Variants in UNC13C observed in about 807,000 individuals in gnomAD.
UNC13C encodes unc-13 homolog C, also known as protein unc-13 homolog C.
A neutral mutation model predicts 245.4 loss-of-function variants in UNC13C; 174 were observed. The observed-to-expected ratio is 0.71, with a 90% CI of 0.63 to 0.80. UNC13C has a LOEUF of 0.80. Ranked by LOEUF, UNC13C falls within the 30% of genes least tolerant of loss-of-function variation. The pLI is 0.00. For synonymous variants in UNC13C, 992 were observed against 895.1 expected, an observed-to-expected ratio of 1.11 and a Z score of -1.93; for missense variants, 2,829 against 2,602.9, an observed-to-expected ratio of 1.09 and a Z score of -1.89.
rs1007069536 is a variant in UNC13C at position 54,015,360 on chromosome 15, G to C, written c.2457G>C (p.Leu819=). The C allele has an allele frequency of 1.9e-6, 3 of 1,613,830 alleles. No individual in the cohort carries two copies. Among genetic ancestry groups the C allele is most frequent in the Non-Finnish European group, 2.5e-6 (3 of 1,179,844 alleles). ...TATGGAACAAAAGCACACAGAGTCT[G>C]AGTGGGTATGAGGACAGTGGCTCTT... ...EVVWNKSTQS[L]SGYEDSGSSL... The change falls in exon 2 of 33, where the codon CTG becomes CTC. Residue 819 remains leucine, a synonymous_variant. Transcript: ENST00000260323.
intron 2 of UNC13C, among the ~76,000 whole-genome samples, chr15:54,051,636 C>CTTTATTTA (rs202229715): frequency 1.6e-4 from 24 of 150,926 alleles, no homozygotes; most frequent in African/African-American, 2.5e-4. Flanking sequence ...GTTATACAGA[C>CTTTATTTA]TTTATTTATT....
chr15:54,173,486 A>T (rs964283049), intron 4 of UNC13C, among the ~76,000 whole-genome samples: 1 of 152,090 alleles, frequency 6.6e-6, no homozygotes, highest in East Asian at 1.9e-4. Context: ...ATGCTGTTAA[A>T]ATTTATATCT....
chr15:53,921,065 C>T, the UNC13C span, among the ~76,000 whole-genome samples: 1 of 151,740 alleles, frequency 6.6e-6, no homozygotes, highest in African/African-American at 2.4e-5. Context: ...GTGGGGAGAG[C>T]ATCTGAGCTA....
chr15:54,373,312 G>T (rs1370137851), intron 17 of UNC13C, among the ~76,000 whole-genome samples: 2 of 152,230 alleles, frequency 1.3e-5, no homozygotes, highest in African/African-American at 2.4e-5. Flanking sequence ...ACCTTTGCCT[G>T]AGTTTTGCTC....
chr15:54,147,409 C>T (rs542368268), intron 4 of UNC13C, among the ~76,000 whole-genome samples: 42 of 151,980 alleles, frequency 2.8e-4, no homozygotes, highest in African/African-American at 5.3e-4. Context: ...TTAGTAGAGA[C>T]GGGGTTTCAC....
At chr15:53,908,231 T>C in the UNC13C span, among the ~76,000 whole-genome samples, 1 of 146,564 alleles carries the variant, frequency 6.8e-6, no homozygotes, top group Non-Finnish European at 1.5e-5. Context: ...CTCCTTTTTT[T>C]GTCCTACTTT....
chr15:54,506,065 C>T (rs989797574), intron 22 of UNC13C, among the ~76,000 whole-genome samples: 14 of 152,094 alleles, frequency 9.2e-5, no homozygotes, highest in Non-Finnish European at 2.1e-4. Flanking sequence ...CAGCAAGTCA[C>T]CCGGCAGCTG....
chr15:54,067,729 C>G (rs1162335254), intron 2 of UNC13C, among the ~76,000 whole-genome samples: 3 of 152,254 alleles, frequency 2.0e-5, no homozygotes, highest in Middle Eastern at 3.4e-3. Flanking sequence ...GTCATTAGCC[C>G]TCTGAGATTA....
chr15:54,597,192 G>A (rs1477438384), intron 30 of UNC13C, among the ~76,000 whole-genome samples: 1 of 152,166 alleles, frequency 6.6e-6, no homozygotes, highest in African/African-American at 2.4e-5. Flanking sequence ...AGCTCAGGTG[G>A]TAATGCTCAC....
chr15:54,085,504 A>T (rs953889538), intron 2 of UNC13C, among the ~76,000 whole-genome samples: 1 of 152,210 alleles, frequency 6.6e-6, no homozygotes, highest in African/African-American at 2.4e-5. Flanking sequence ...GAGACTCTGT[A>T]TTGTCAGTGC....
chr15:54,577,735 A>T (rs2553223), intron 30 of UNC13C, among the ~76,000 whole-genome samples: 5 of 151,864 alleles, frequency 3.3e-5, no homozygotes, highest in African/African-American at 1.2e-4. Context: ...TTCCCTTGTC[A>T]TTTCCCTAGA....
chr15:54,047,641 C>T (rs542242045), intron 2 of UNC13C, among the ~76,000 whole-genome samples: 1 of 152,036 alleles, frequency 6.6e-6, no homozygotes, highest in Non-Finnish European at 1.5e-5. Context: ...ATTTGTTTAT[C>T]CATTCACGAT....
chr15:53,991,762 GATAGTTAAA>G (rs1174987384), intron 1 of UNC13C, among the ~76,000 whole-genome samples: 3 of 152,008 alleles, frequency 2.0e-5, no homozygotes, highest in Non-Finnish European at 4.4e-5. Flanking sequence ...CATTGTTTCT[GATAGTTAAA>G]CACTACTACC....
intron 7 of UNC13C, among the ~76,000 whole-genome samples, chr15:54,248,453 A>G (rs374874541): frequency 6.6e-6 from 1 of 152,292 alleles, no homozygotes; most frequent in South Asian, 2.1e-4. Flanking sequence ...ACTATGCTAG[A>G]TATTAAAGAG....
At chr15:54,536,263 C>G (rs1033994571) in intron 26 of UNC13C, among the ~76,000 whole-genome samples, 3 of 152,050 alleles carry the variant, frequency 2.0e-5, no homozygotes, top group African/African-American at 7.2e-5. Flanking sequence ...AACATACAAA[C>G]TACCAAGATT....
intron 2 of UNC13C, among the ~76,000 whole-genome samples, chr15:54,140,250 T>A (rs4550400): frequency 0.37 from 55,812 of 152,004 alleles, 10,329 homozygotes; most frequent in Admixed American, 0.39. Context: ...ATAATTCATC[T>A]TCACTATATA....
At chr15:53,946,605 C>T in the UNC13C span, among the ~76,000 whole-genome samples, 1 of 151,118 alleles carries the variant, frequency 6.6e-6, no homozygotes, top group African/African-American at 2.4e-5. Context: ...CCTGTAGTCC[C>T]AGCTACTCAG....
chr15:54,171,139 G>A (rs1445262506), intron 4 of UNC13C, among the ~76,000 whole-genome samples: 2 of 152,054 alleles, frequency 1.3e-5, no homozygotes, highest in Non-Finnish European at 2.9e-5. Flanking sequence ...ATTCCCTTAT[G>A]TCTCTCTATA....
intron 5 of UNC13C, among the ~76,000 whole-genome samples, 186 bp from the exon 6 acceptor site, chr15:54,236,244 A>G (rs536864604): frequency 6.6e-6 from 1 of 152,338 alleles, no homozygotes; most frequent in East Asian, 1.9e-4. Flanking sequence ...TTAAAATATG[A>G]TCCTGACTGA....
Sources: allele counts gnomAD v4.1 joint callset (sites outside exome capture counted in the v4.1 genomes callset), GRCh38; gene constraint gnomAD v4.1.1; transcripts MANE v1.5; gene names NCBI Gene and HGNC (gene_info 2026-07-23, HGNC 2026-07-21).